MEI4: variants seen among roughly 807,000 people sequenced by gnomAD.
The protein encoded by MEI4 is meiotic double-stranded break formation protein 4.
A neutral mutation model predicts 31.4 loss-of-function variants in MEI4; 27 were observed. That is an observed-to-expected ratio of 0.86 (90% CI 0.63 to 1.19). The LOEUF is 1.19. Among genes scored for constraint, MEI4 ranks in the 50% most tolerant of loss-of-function variants. The pLI is 0.00. For missense variants in MEI4, 329 were observed against 398.9 expected, an observed-to-expected ratio of 0.82 and a Z score of 1.49; for synonymous variants, 122 against 145.4, an observed-to-expected ratio of 0.84 and a Z score of 1.16.
chr6:77,892,325 C>T (rs1377841409), intron 4 of MEI4, among the ~76,000 whole-genome samples: 1 of 152,114 alleles, frequency 6.6e-6, no homozygotes, highest in African/African-American at 2.4e-5. Flanking sequence ...ATCTGTTGAT[C>T]TCTAGGCTCC....
At chr6:77,736,958 A>C (rs998378876) in intron 2 of MEI4, among the ~76,000 whole-genome samples, 5 of 151,076 alleles carry the variant, frequency 3.3e-5, no homozygotes, top group Non-Finnish European at 7.3e-5. Context: ...GAACAATGTA[A>C]AGTATAGGTA....
At chr6:77,712,511 C>T (rs1006960138) in intron 2 of MEI4, among the ~76,000 whole-genome samples, 13 of 152,082 alleles carry the variant, frequency 8.5e-5, no homozygotes, top group Admixed American at 2.0e-4. Flanking sequence ...ATGTTAGCAA[C>T]CATTCTGACA....
At chr6:77,666,441 A>G (rs1378591269) in intron 1 of MEI4, among the ~76,000 whole-genome samples, 1 of 152,332 alleles carries the variant, frequency 6.6e-6, no homozygotes, top group East Asian at 1.9e-4. Context: ...GAGGCCTGAC[A>G]GTAGTCTCAA....
chr6:77,709,584 T>A (rs2127659375), intron 2 of MEI4, among the ~76,000 whole-genome samples: 1 of 152,268 alleles, frequency 6.6e-6, no homozygotes, highest in East Asian at 1.9e-4. Flanking sequence ...TATACATACT[T>A]TTTATAGTAC....
At chr6:77,658,093 T>C (rs1317709875) in intron 1 of MEI4, among the ~76,000 whole-genome samples, 1 of 152,186 alleles carries the variant, frequency 6.6e-6, no homozygotes, top group African/African-American at 2.4e-5. Flanking sequence ...TTCACCTGGG[T>C]GCAGGCGGGC....
chr6:77,852,628 A>G (rs1313046429), intron 4 of MEI4, among the ~76,000 whole-genome samples: 2 of 149,484 alleles, frequency 1.3e-5, no homozygotes, highest in Non-Finnish European at 3.0e-5. Flanking sequence ...GGAAAGTCCA[A>G]GATTAAGGCA....
chr6:77,864,273 GAC>G (rs1770955524), intron 4 of MEI4, among the ~76,000 whole-genome samples: 1 of 152,108 alleles, frequency 6.6e-6, no homozygotes, highest in Non-Finnish European at 1.5e-5. Flanking sequence ...CCAAATAAAA[GAC>G]ACAGACTGGC....
Position 77,654,595 on chromosome 6 carries a change from TG to T in MEI4, c.-15+1504del, listed in dbSNP as rs1768357796. On this transcript the variant is annotated intron_variant, in intron 1 of 4. Transcript: ENST00000684080. The stretch of plus-strand genomic sequence containing the variant: ...AAAAAATGAATAAAAGTACTACTAC[TG>T]TTTATTTTTTATGTTCATTATTATA... 5.2e-5 allele frequency among the ~76,000 whole-genome samples: 5 copies of T among 96,190 alleles called. 1 individual carries two copies. Among genetic ancestry groups the T allele is most frequent in the Admixed American group, 5.2e-4 (5 of 9,634 alleles). 63.1% of individuals were successfully genotyped at this position (96,190 alleles called of 152,430 possible).
chr6:77,689,977 A>G (rs1769128778), intron 1 of MEI4, among the ~76,000 whole-genome samples: 1 of 152,006 alleles, frequency 6.6e-6, no homozygotes, highest in South Asian at 2.1e-4. Context: ...CTCCATAAGT[A>G]TGTTTATATT....
chr6:77,798,046 AAAACT>A (rs1384548026), intron 3 of MEI4, among the ~76,000 whole-genome samples: 2 of 152,182 alleles, frequency 1.3e-5, no homozygotes, highest in Non-Finnish European at 2.9e-5. Context: ...GATAGGAAAT[AAAACT>A]AAACTAGAAT....
At chr6:77,860,788 A>G (rs1007610975) in intron 4 of MEI4, among the ~76,000 whole-genome samples, 1 of 152,228 alleles carries the variant, frequency 6.6e-6, no homozygotes, top group African/African-American at 2.4e-5. Flanking sequence ...TAATGCCACC[A>G]TCTATCGCTT....
intron 3 of MEI4, among the ~76,000 whole-genome samples, chr6:77,826,009 C>T (rs1290708923): frequency 6.6e-6 from 1 of 152,040 alleles, no homozygotes; most frequent in Non-Finnish European, 1.5e-5. Context: ...ATATAAATTC[C>T]CTACCATTGA....
intron 1 of MEI4, among the ~76,000 whole-genome samples, chr6:77,684,945 T>G (rs968271748): frequency 1.3e-5 from 2 of 152,172 alleles, no homozygotes; most frequent in Non-Finnish European, 2.9e-5. Context: ...CCATAGTGGT[T>G]GTACTAATTT....
intron 2 of MEI4, among the ~76,000 whole-genome samples, chr6:77,699,696 C>T (rs1343546726): frequency 6.6e-6 from 1 of 152,068 alleles, no homozygotes; most frequent in East Asian, 1.9e-4. Flanking sequence ...TGTTTTTTCC[C>T]CATCTTTGTG....
intron 3 of MEI4, among the ~76,000 whole-genome samples, chr6:77,778,294 C>T (rs769600110): frequency 6.6e-6 from 1 of 151,978 alleles, no homozygotes; most frequent in Non-Finnish European, 1.5e-5. Context: ...CAAAAACAAT[C>T]AGCTAGAAGA....
chr6:77,746,483 C>G (rs1180596719), intron 2 of MEI4, among the ~76,000 whole-genome samples: 2 of 152,140 alleles, frequency 1.3e-5, no homozygotes, highest in Admixed American at 6.6e-5. Context: ...CACACTCAAA[C>G]TGCAACATCA....
Position 77,911,562 on chromosome 6 carries a change from T to C in MEI4, c.901-11527T>C, listed in dbSNP as rs1766435279. On this transcript the variant is annotated intron_variant, in intron 4 of 4. Transcript: ENST00000684080. ...CACTTATATGTGAAAATGTGTGGTATTTGGTTTTCTGTTCCTGCATTAATT... is the reference window on the plus strand; with the variant it reads ...CACTTATATGTGAAAATGTGTGGTACTTGGTTTTCTGTTCCTGCATTAATT... Among the ~76,000 whole-genome samples, 3 of 151,942 alleles carry C rather than the reference T, an allele frequency of 2.0e-5. No homozygotes were observed. In the South Asian group the frequency reaches 6.2e-4, roughly 31 times the overall value.
chr6:77,674,639 A>C (rs528497593), intron 1 of MEI4, among the ~76,000 whole-genome samples: 455 of 152,162 alleles, frequency 3.0e-3, no homozygotes, highest in African/African-American at 9.7e-3. Flanking sequence ...GAGTTGGCAT[A>C]ATGACAGAAC....
chr6:77,736,711 A>G lies in MEI4; in HGVS notation c.233-24419A>G, dbSNP rs553494761. 5.3e-5 allele frequency among the ~76,000 whole-genome samples: 8 copies of G among 152,208 alleles called. No individual in the cohort carries two copies. The South Asian group carries it at 1.0e-3, about 20-fold the overall frequency. On this transcript the variant is annotated intron_variant, in intron 2 of 4. Coordinates refer to ENST00000684080, the MANE Select transcript of MEI4 (RefSeq NM_001322247.2). Reference sequence around the variant, plus strand: ...AAAACAATGTAGAAAATACAGAAAGATAAAGTTTAAGCCCTGCCCATAGCA... The same window carrying G: ...AAAACAATGTAGAAAATACAGAAAGGTAAAGTTTAAGCCCTGCCCATAGCA...
Sources: allele counts gnomAD v4.1 joint callset (sites outside exome capture counted in the v4.1 genomes callset), GRCh38; gene constraint gnomAD v4.1.1; transcripts MANE v1.5; gene names NCBI Gene and HGNC (gene_info 2026-07-23, HGNC 2026-07-21).